The following SKIC2 variants were observed in gnomAD, a reference collection of about 807,000 sequenced individuals.
SKIC2 encodes SKI2 subunit of superkiller complex, also known as superkiller complex protein 2.
the SKIC2 span, chr6:31,967,466 A>G: frequency 1.9e-6 from 2 of 1,026,008 alleles, no homozygotes; most frequent in Non-Finnish European, 3.0e-6. This position sits in a 1 kb window ranked among gnomAD's most constrained non-coding sequence, Gnocchi z 4.9. Context: ...AGGTTGCGTC[A>G]TCATAGGGCC....
the SKIC2 span, chr6:31,967,750 C>T: frequency 6.2e-7 from 1 of 1,613,082 alleles, no homozygotes; most frequent in Non-Finnish European, 8.5e-7. This position sits in a 1 kb window ranked among gnomAD's most constrained non-coding sequence, Gnocchi z 4.9. Context: ...TATTCACAAC[C>T]CTGGTCTTGT....
chr6:31,966,125 T>C, the SKIC2 span: 4 of 749,356 alleles, frequency 5.3e-6, no homozygotes, highest in Admixed American at 2.9e-5. The surrounding 1 kb of genome is among the most constrained non-coding windows in gnomAD (Gnocchi z 5.9). Flanking sequence ...AGACAGGGTC[T>C]TGCTCTGTTA....
At chr6:31,959,450 C>A in the SKIC2 span, 63 of 1,225,050 alleles carry the variant, frequency 5.1e-5, no homozygotes, top group Non-Finnish European at 7.4e-5. Flanking sequence ...TCCAAACCTC[C>A]TTCACCCTCC....
the SKIC2 span, chr6:31,965,672 G>A: frequency 1.5e-6 from 1 of 659,388 alleles, no homozygotes; most frequent in Non-Finnish European, 2.8e-6. This position sits in a 1 kb window ranked among gnomAD's most constrained non-coding sequence, Gnocchi z 5.6. Flanking sequence ...GATCCCATAA[G>A]TAACAACTGG....
the SKIC2 span, chr6:31,959,847 G>A: frequency 2.6e-5 from 16 of 612,328 alleles, no homozygotes; most frequent in South Asian, 3.2e-4. Flanking sequence ...TCCAAAATCT[G>A]CCCCAGGTAA....
At chr6:31,967,941 C>T in the SKIC2 span, 1 of 1,613,006 alleles carries the variant, frequency 6.2e-7, no homozygotes, top group African/African-American at 1.3e-5. The surrounding 1 kb of genome is among the most constrained non-coding windows in gnomAD (Gnocchi z 4.9). Flanking sequence ...CTGCCCTGCT[C>T]TCCCCTTTTC....
At chr6:31,961,630 C>A in the SKIC2 span, 2 of 1,612,934 alleles carry the variant, frequency 1.2e-6, no homozygotes, top group South Asian at 2.2e-5. Context: ...ACGCCACCTC[C>A]CCTGTTGGTG....
At chr6:31,967,893 C>T in the SKIC2 span, 1 of 1,612,882 alleles carries the variant, frequency 6.2e-7, no homozygotes. The surrounding 1 kb of genome is among the most constrained non-coding windows in gnomAD (Gnocchi z 4.9). Flanking sequence ...TGTTTTCTGC[C>T]AGCAGTATAA....
chr6:31,964,283 G>C, the SKIC2 span: 1 of 1,613,068 alleles, frequency 6.2e-7, no homozygotes, highest in Non-Finnish European at 8.5e-7. This position sits in a 1 kb window ranked among gnomAD's most constrained non-coding sequence, Gnocchi z 5.0. Flanking sequence ...GCACCATAGC[G>C]GCATCCTGCC....
the SKIC2 span, chr6:31,962,053 C>T: frequency 4.3e-5 from 69 of 1,612,802 alleles, no homozygotes; most frequent in Non-Finnish European, 5.2e-5. This position sits in a 1 kb window ranked among gnomAD's most constrained non-coding sequence, Gnocchi z 5.0. Context: ...ACACATGACA[C>T]GGTATGAGTT....
the SKIC2 span, chr6:31,967,827 A>G: frequency 6.2e-7 from 1 of 1,612,864 alleles, no homozygotes; most frequent in Non-Finnish European, 8.5e-7. The surrounding 1 kb of genome is among the most constrained non-coding windows in gnomAD (Gnocchi z 4.9). Flanking sequence ...CCCTATCCAG[A>G]TGACCTCGTG....
the SKIC2 span, chr6:31,969,170 C>G: frequency 6.5e-7 from 1 of 1,546,926 alleles, no homozygotes; most frequent in Non-Finnish European, 8.9e-7. The surrounding 1 kb of genome is among the most constrained non-coding windows in gnomAD (Gnocchi z 6.1). Flanking sequence ...CAGGTGACCC[C>G]CTCCAGCCCT....
At chr6:31,967,921 A>G in the SKIC2 span, 1 of 1,613,018 alleles carries the variant, frequency 6.2e-7, no homozygotes, top group Non-Finnish European at 8.5e-7. The surrounding 1 kb of genome is among the most constrained non-coding windows in gnomAD (Gnocchi z 4.9). Context: ...GCCTGGGTCC[A>G]TGGCAATGTC....
the SKIC2 span, chr6:31,960,420 C>T: frequency 6.2e-7 from 1 of 1,609,522 alleles, no homozygotes; most frequent in South Asian, 1.1e-5. Context: ...GGGCTCTGAT[C>T]TCTTGCCTTA....
At chr6:31,968,092 G>A in the SKIC2 span, 172 of 1,612,616 alleles carry the variant, frequency 1.1e-4, no homozygotes, top group African/African-American at 1.5e-3. This position sits in a 1 kb window ranked among gnomAD's most constrained non-coding sequence, Gnocchi z 6.1. Context: ...AGTCAGAGAT[G>A]CTAGGGAGGC....
At chr6:31,969,089 G>C in the SKIC2 span, 9 of 1,609,742 alleles carry the variant, frequency 5.6e-6, no homozygotes, top group Non-Finnish European at 7.6e-6. This position sits in a 1 kb window ranked among gnomAD's most constrained non-coding sequence, Gnocchi z 6.1. Context: ...CCCTCAAGCA[G>C]GTAGGGGACA....
At chr6:31,959,746 C>T in the SKIC2 span, 1 of 551,946 alleles carries the variant, frequency 1.8e-6, no homozygotes, top group East Asian at 3.0e-5. Context: ...TTTCTAAAAT[C>T]AGTGAGTCTC....
the SKIC2 span, among the ~76,000 whole-genome samples, chr6:31,966,533 C>T: frequency 1.3e-5 from 2 of 152,114 alleles, no homozygotes; most frequent in African/African-American, 4.8e-5. The surrounding 1 kb of genome is among the most constrained non-coding windows in gnomAD (Gnocchi z 5.9). Context: ...GCCTTTGAGT[C>T]CATTTATTTC....
At chr6:31,967,851 T>C in the SKIC2 span, 1 of 1,612,972 alleles carries the variant, frequency 6.2e-7, no homozygotes, top group East Asian at 2.2e-5. The surrounding 1 kb of genome is among the most constrained non-coding windows in gnomAD (Gnocchi z 4.9). Flanking sequence ...TTCAAGCTGT[T>C]CCTGCCTGAA....
Sources: gnomAD v4.1 joint callset for allele counts (sites outside exome capture counted in the v4.1 genomes callset) on GRCh38, gnomAD v4.1.1 for gene constraint, Gnocchi (gnomAD v3.1) non-coding constraint, MANE v1.5 for transcripts, NCBI Gene and HGNC (gene_info 2026-07-23, HGNC 2026-07-21) for gene names.